TCF7L2: variants seen among roughly 807,000 people sequenced by gnomAD.
TCF7L2 encodes the protein transcription factor 7-like 2.
Under a neutral mutation model 77.9 loss-of-function variants are expected in TCF7L2, and 23 were observed. The observed-to-expected ratio is 0.30, with a 90% CI of 0.21 to 0.42. The LOEUF (loss-of-function observed/expected upper bound fraction) is 0.42. Ranked by LOEUF, TCF7L2 falls within the 10% of genes least tolerant of loss-of-function variation. The probability of loss-of-function intolerance (pLI) is 1.00; values close to 1 mark genes in which losing one functional copy is unlikely to be tolerated. For synonymous variants in TCF7L2, 413 were observed against 340.2 expected (o/e 1.21, Z -2.36); for missense variants, 654 against 793.1 (o/e 0.82, Z 2.11).
At chr10:112,963,202 A>C (rs902604275) in intron 3 of TCF7L2, among the ~76,000 whole-genome samples, 1 of 152,076 alleles carries the variant, frequency 6.6e-6, no homozygotes, top group African/African-American at 2.4e-5. Flanking sequence ...TTAGCCCATG[A>C]ACAACATGGA....
rs983946493 is a variant in TCF7L2 at position 112,950,319 on chromosome 10, C to T, written c.-438C>T. 2 of 236,204 alleles carry T rather than the reference C, an allele frequency of 8.5e-6. No homozygotes were observed. Among genetic ancestry groups the T allele is most frequent in the Admixed American group, 1.1e-4 (2 of 18,314 alleles). The allele number at this position is 236,204 out of a possible 1,614,324, so 14.6% of individuals were successfully genotyped here. A position where few individuals can be genotyped will look rare whatever the true frequency, so the allele number is the denominator to read the frequency against. ...CCCCCTTTTTCTATCTGTCAATCAG[C>T]GCCGCCTTTGAACTGAAAAGCTCTC... On this transcript the variant is annotated 5_prime_UTR_variant, in exon 1 of 14. Transcript: ENST00000627217.
At chr10:112,981,786 C>T (rs991053217) in intron 4 of TCF7L2, among the ~76,000 whole-genome samples, 8 of 152,228 alleles carry the variant, frequency 5.3e-5, no homozygotes, top group African/African-American at 1.9e-4. Flanking sequence ...ATCTTTCGAT[C>T]TGACTTCTGT....
At chr10:113,051,294 G>A (rs1702686471) in intron 5 of TCF7L2, among the ~76,000 whole-genome samples, 1 of 151,442 alleles carries the variant, frequency 6.6e-6, no homozygotes, top group African/African-American at 2.4e-5. Context: ...CTCATTTGTA[G>A]AAGGGTAAAA....
chr10:113,001,854 C>T (rs1271127421), intron 4 of TCF7L2, among the ~76,000 whole-genome samples: 1 of 152,132 alleles, frequency 6.6e-6, no homozygotes, highest in Admixed American at 6.6e-5. Context: ...AAAGTAATTT[C>T]CTAAAGAATT....
chr10:113,102,407 T>TTTG (rs1247467693), intron 5 of TCF7L2, among the ~76,000 whole-genome samples: 1 of 151,762 alleles, frequency 6.6e-6, no homozygotes, highest in Non-Finnish European at 1.5e-5. Context: ...ACATCTGTTT[T>TTTG]TTGTTGTTGT....
rs576749768 is a variant in TCF7L2, at chr10:112,996,603, G to A, written c.450+31979G>A. Among the ~76,000 whole-genome samples the A allele has an allele frequency of 1.1e-4, 17 of 152,280 alleles. No homozygotes were observed. The South Asian group carries it at 3.5e-3, about 32-fold the overall frequency. On this transcript the variant is annotated intron_variant, in intron 4 of 13. Transcript: ENST00000627217. The stretch of plus-strand genomic sequence containing the variant: ...AGCCACAGTGCTCATTAGTGACCAC[G>A]GTTGACTACCTTCTCTCTCCTAAGC...
chr10:113,036,296 A>C (rs1028345963), intron 4 of TCF7L2, among the ~76,000 whole-genome samples: 1 of 152,120 alleles, frequency 6.6e-6, no homozygotes, highest in Admixed American at 6.5e-5. Flanking sequence ...CTCAAGGATG[A>C]AGGCCCCTCT....
chr10:112,971,439 G>T (rs2038216082), intron 4 of TCF7L2, among the ~76,000 whole-genome samples: 1 of 152,036 alleles, frequency 6.6e-6, no homozygotes, highest in African/African-American at 2.4e-5. Context: ...CTTTTGAGTA[G>T]CTGGGATTAC....
chr10:113,126,920 G>T, intron 5 of TCF7L2: 1 of 985,538 alleles, frequency 1.0e-6, no homozygotes, highest in Non-Finnish European at 1.2e-6. Flanking sequence ...GCAGGGGTGC[G>T]CGGTGGCCGG....
At chr10:113,036,765 G>A (rs1281450411) in intron 4 of TCF7L2, among the ~76,000 whole-genome samples, 1 of 151,916 alleles carries the variant, frequency 6.6e-6, no homozygotes, top group East Asian at 1.9e-4. Flanking sequence ...CCATTTGATT[G>A]CAGTTTGTTG....
Position 112,984,589 on chromosome 10 carries a change from T to C in TCF7L2, c.450+19965T>C, listed in dbSNP as rs140634278. 4.5e-3 allele frequency among the ~76,000 whole-genome samples: 689 copies of C among 151,924 alleles called. 9 individuals carry two copies. Among genetic ancestry groups the C allele is most frequent in the South Asian group, 0.026 (127 of 4,818 alleles). On this transcript the variant is annotated intron_variant, in intron 4 of 13. Transcript: ENST00000627217. Reference sequence around the variant, plus strand: ...TCTAAAAAAAAATTAATACCAACAATAAAACTATTTCCCCAGGCAGTGCAT... The same window carrying C: ...TCTAAAAAAAAATTAATACCAACAACAAAACTATTTCCCCAGGCAGTGCAT...
chr10:113,103,945 C>A (rs1326929576), intron 5 of TCF7L2, among the ~76,000 whole-genome samples: 21 of 152,164 alleles, frequency 1.4e-4, no homozygotes, highest in Admixed American at 1.4e-3. Context: ...CTCTTGGTTT[C>A]TTAGCACTGT....
chr10:113,009,667 G>A (rs181915906), intron 4 of TCF7L2, among the ~76,000 whole-genome samples: 3 of 152,278 alleles, frequency 2.0e-5, no homozygotes, highest in East Asian at 1.9e-4. Flanking sequence ...CTCACATGAC[G>A]TCCCTGAGAT....
chr10:113,022,331 G>A (rs2048387394), intron 4 of TCF7L2, among the ~76,000 whole-genome samples: 1 of 152,174 alleles, frequency 6.6e-6, no homozygotes, highest in African/African-American at 2.4e-5. Context: ...TGCTGGGCTT[G>A]CAAGCATTTA....
chr10:113,159,865 C>T, intron 12 of TCF7L2, 55 bp from the exon 14 acceptor site: 2 of 527,474 alleles, frequency 3.8e-6, no homozygotes, highest in Non-Finnish European at 6.6e-6. Flanking sequence ...CTCTCTCTCT[C>T]TCCCTTTCTC....
At chr10:113,069,570 C>T (rs145684692) in intron 5 of TCF7L2, among the ~76,000 whole-genome samples, 1 of 152,084 alleles carries the variant, frequency 6.6e-6, no homozygotes, top group African/African-American at 2.4e-5. Context: ...GCTTGCCTAA[C>T]CCGTCCAGGA....
intron 8 of TCF7L2, among the ~76,000 whole-genome samples, chr10:113,147,715 A>G (rs2069777355): frequency 6.6e-6 from 1 of 152,152 alleles, no homozygotes; most frequent in Non-Finnish European, 1.5e-5. Context: ...GCATTTGTAT[A>G]TTACACCTGG....
intron 5 of TCF7L2, among the ~76,000 whole-genome samples, chr10:113,047,186 A>G (rs2053607410): frequency 1.3e-5 from 2 of 151,990 alleles, no homozygotes; most frequent in African/African-American, 2.4e-5. Flanking sequence ...TTTTCTTGGG[A>G]TAGACCCCAG....
intron 4 of TCF7L2, among the ~76,000 whole-genome samples, chr10:113,005,508 C>A (rs1032605609): frequency 6.6e-6 from 1 of 152,276 alleles, no homozygotes; most frequent in East Asian, 1.9e-4. Flanking sequence ...TTGGGAGACA[C>A]CCTCTCCCCT....
Sources: allele counts gnomAD v4.1 joint callset (sites outside exome capture counted in the v4.1 genomes callset), GRCh38; gene constraint gnomAD v4.1.1; transcripts MANE v1.5; gene names NCBI Gene and HGNC (gene_info 2026-07-23, HGNC 2026-07-21).